Variants in RIGI observed in about 807,000 individuals in gnomAD.
RIGI encodes the protein antiviral innate immune response receptor RIG-I.
At chr9:32,484,153 C>T in the RIGI span, among the ~76,000 whole-genome samples, 5 of 152,130 alleles carry the variant, frequency 3.3e-5, no homozygotes, top group African/African-American at 1.2e-4. Flanking sequence ...AGGGCTCAGA[C>T]TGCAGGTTAG....
At chr9:32,520,667 A>G in the RIGI span, among the ~76,000 whole-genome samples, 1 of 152,198 alleles carries the variant, frequency 6.6e-6, no homozygotes, top group Non-Finnish European at 1.5e-5. Context: ...AAATTAGTTC[A>G]GGGTTTTTCT....
chr9:32,498,093 C>G, the RIGI span, among the ~76,000 whole-genome samples: 1 of 152,174 alleles, frequency 6.6e-6, no homozygotes, highest in Non-Finnish European at 1.5e-5. Context: ...ACTGCCCCTC[C>G]CTTTAGCAGT....
the RIGI span, among the ~76,000 whole-genome samples, chr9:32,494,965 G>A: frequency 0.011 from 1,652 of 152,130 alleles, 23 homozygotes; most frequent in African/African-American, 0.034. Flanking sequence ...AAGCTATCAC[G>A]AATAATGCTA....
At chr9:32,476,940 G>C in the RIGI span, 2 of 1,537,834 alleles carry the variant, frequency 1.3e-6, no homozygotes, top group Non-Finnish European at 1.8e-6. Context: ...TCAATGAATA[G>C]TGCTGGGTCC....
the RIGI span, among the ~76,000 whole-genome samples, chr9:32,516,890 C>T: frequency 6.6e-6 from 1 of 152,194 alleles, no homozygotes; most frequent in Non-Finnish European, 1.5e-5. Flanking sequence ...AGCACCTCGA[C>T]TGTTTCAGTT....
chr9:32,519,523 A>G, the RIGI span, among the ~76,000 whole-genome samples: 1 of 152,230 alleles, frequency 6.6e-6, no homozygotes, highest in Non-Finnish European at 1.5e-5. Context: ...TAAGTTCTGA[A>G]CAGAAATAGT....
At chr9:32,515,673 T>C in the RIGI span, among the ~76,000 whole-genome samples, 1 of 152,228 alleles carries the variant, frequency 6.6e-6, no homozygotes, top group Admixed American at 6.5e-5. Flanking sequence ...TTCCTGAGTC[T>C]ACTCTTGCAG....
At chr9:32,481,507 A>G in the RIGI span, 2 of 1,547,474 alleles carry the variant, frequency 1.3e-6, no homozygotes, top group East Asian at 4.6e-5. Context: ...TCTGTTAAAA[A>G]AAAAAAAAAA....
At chr9:32,526,079 C>T in the RIGI span, 95 of 1,613,614 alleles carry the variant, frequency 5.9e-5, 2 homozygotes, top group African/African-American at 8.7e-4. Flanking sequence ...AACCAGGGGG[C>T]CATGTAGCTC....
the RIGI span, among the ~76,000 whole-genome samples, chr9:32,495,366 T>A: frequency 6.6e-6 from 1 of 151,956 alleles, no homozygotes; most frequent in Admixed American, 6.6e-5. Flanking sequence ...CGCACCCAGC[T>A]AATTTTTGTA....
the RIGI span, among the ~76,000 whole-genome samples, chr9:32,500,096 A>G: frequency 6.6e-6 from 1 of 152,168 alleles, no homozygotes; most frequent in Non-Finnish European, 1.5e-5. Context: ...CAATGCCAAA[A>G]CCAACATTTC....
the RIGI span, among the ~76,000 whole-genome samples, chr9:32,509,254 C>T: frequency 0.02 from 3,011 of 152,310 alleles, 109 homozygotes; most frequent in African/African-American, 0.068. Flanking sequence ...GCTCTGCTAA[C>T]GGACAGACTG....
chr9:32,499,875 C>T, the RIGI span, among the ~76,000 whole-genome samples: 1 of 152,180 alleles, frequency 6.6e-6, no homozygotes, highest in Admixed American at 6.5e-5. Flanking sequence ...CTGCCTCAGC[C>T]TCCTGAGAGG....
chr9:32,455,862 G>A, the RIGI span: 1 of 152,104 alleles, frequency 6.6e-6, no homozygotes, highest in Non-Finnish European at 1.5e-5. Context: ...TTTTACAGAT[G>A]AAGAAAAGCC....
chr9:32,476,867 C>T, the RIGI span: 1 of 889,608 alleles, frequency 1.1e-6, no homozygotes. Flanking sequence ...AGCAATTCTC[C>T]TGCCTTGATT....
the RIGI span, among the ~76,000 whole-genome samples, chr9:32,463,102 GCT>G: frequency 6.6e-6 from 1 of 151,738 alleles, no homozygotes; most frequent in Non-Finnish European, 1.5e-5. Flanking sequence ...TCCAGCCTGG[GCT>G]CTGTCTCAAA....
the RIGI span, among the ~76,000 whole-genome samples, chr9:32,457,812 C>T: frequency 6.6e-6 from 1 of 152,162 alleles, no homozygotes; most frequent in Non-Finnish European, 1.5e-5. Context: ...GGGAAAACGA[C>T]CAAGGTCAAG....
At chr9:32,487,419 A>G in the RIGI span, 2 of 1,555,004 alleles carry the variant, frequency 1.3e-6, no homozygotes, top group Non-Finnish European at 1.8e-6. Context: ...TCTGAACTAG[A>G]GGTAGTAGAG....
At chr9:32,497,845 CTTTCTT>C in the RIGI span, among the ~76,000 whole-genome samples, 2,159 of 152,340 alleles carry the variant, frequency 0.014, 49 homozygotes, top group African/African-American at 0.045. Flanking sequence ...GATACCTTGT[CTTTCTT>C]TTTCTTGCCT....
Sources: allele counts gnomAD v4.1 joint callset (sites outside exome capture counted in the v4.1 genomes callset), GRCh38; gene constraint gnomAD v4.1.1; transcripts MANE v1.5; gene names NCBI Gene and HGNC (gene_info 2026-07-23, HGNC 2026-07-21).